Variants in DMD observed in about 807,000 individuals in gnomAD.
The protein encoded by DMD is dystrophin.
DMD carries 63 observed loss-of-function variants against 330.1 expected under a neutral mutation model. The ratio of observed to expected loss-of-function variants is 0.19; its 90% CI spans 0.16 to 0.24. The LOEUF (loss-of-function observed/expected upper bound fraction) is 0.24. Ranked by LOEUF, DMD falls within the 10% of genes least tolerant of loss-of-function variation. The pLI is 1.00. For missense variants in DMD, 3,344 were observed against 2,684.1 expected (o/e 1.25, Z -5.43); for synonymous variants, 1,223 against 959.8 (o/e 1.27, Z -5.07).
In DMD at chrX:32,761,968, G is replaced by T. The variant is rs1235678222; in HGVS notation, c.649+47525C>A. The stretch of plus-strand genomic sequence containing the variant: ...GATCGAGACCATTCTGGCTAACACA[G>T]TGAAACCCAGTCTCTACTAAAAACA... On this transcript the variant is annotated intron_variant, in intron 7 of 78. Transcript: ENST00000357033. Among the ~76,000 whole-genome samples, 8 of 109,279 alleles carry T rather than the reference G, an allele frequency of 7.3e-5. No individual in the cohort carries two copies. In the Admixed American group the frequency reaches 7.9e-4, roughly 11 times the overall value. The allele number at this position is 109,279 out of a possible 115,157, so 94.9% of individuals were successfully genotyped here.
chrX:32,884,151 T>C (rs186824776), intron 2 of DMD, among the ~76,000 whole-genome samples: 9 of 111,319 alleles, frequency 8.1e-5, no homozygotes, highest in Non-Finnish European at 1.7e-4. Context: ...GAACTTAAAG[T>C]TCCCACTAGG....
chrX:31,418,417 T>C (rs781152476), intron 60 of DMD, among the ~76,000 whole-genome samples: 2 of 111,656 alleles, frequency 1.8e-5, no homozygotes, highest in East Asian at 2.8e-4. Context: ...CATATGAATT[T>C]TGGGGAGACA....
At chrX:32,407,678 G>A (rs2098123909) in intron 30 of DMD, among the ~76,000 whole-genome samples, 1 of 110,424 alleles carries the variant, frequency 9.1e-6, no homozygotes, top group Non-Finnish European at 1.9e-5. Context: ...GCACACGTAT[G>A]TTTATTGCGG....
intron 47 of DMD, among the ~76,000 whole-genome samples, chrX:31,917,849 G>A (rs962474533): frequency 2.7e-5 from 3 of 112,171 alleles, no homozygotes; most frequent in Non-Finnish European, 5.6e-5. Context: ...GGGCACAGTC[G>A]TAGACACATA....
intron 7 of DMD, among the ~76,000 whole-genome samples, chrX:32,742,669 G>T (rs766898023): frequency 1.8e-5 from 2 of 111,666 alleles, no homozygotes; most frequent in African/African-American, 6.5e-5. Flanking sequence ...GAGAAAATGG[G>T]AAGTAAATTA....
chrX:32,366,393 G>C (rs952835398), intron 34 of DMD, among the ~76,000 whole-genome samples: 2 of 112,127 alleles, frequency 1.8e-5, no homozygotes, highest in African/African-American at 6.5e-5. Flanking sequence ...TACAGAGACT[G>C]TGATTGGCAC....
At chrX:31,437,053 T>C (rs2064583985) in intron 60 of DMD, among the ~76,000 whole-genome samples, 1 of 112,223 alleles carries the variant, frequency 8.9e-6, no homozygotes, top group Non-Finnish European at 1.9e-5. Context: ...CAGTTTTTCC[T>C]ACATCTTACT....
intron 48 of DMD, among the ~76,000 whole-genome samples, chrX:31,846,301 C>T (rs929936590): frequency 1.3e-4 from 14 of 110,407 alleles, no homozygotes; most frequent in African/African-American, 4.3e-4. Context: ...ACTACATGTT[C>T]CCATTTTTAA....
Position 31,836,825 on chromosome X carries a change from G to A in DMD, c.7099-6C>T, listed in dbSNP as rs2149493531. Reference sequence around the variant, plus strand: ...TGAACTGCTATTTCAGTTTCCTGGGGAAAAGAACCCATATAGTGCAGATTA... The same window carrying A: ...TGAACTGCTATTTCAGTTTCCTGGGAAAAAGAACCCATATAGTGCAGATTA... On this transcript the variant is annotated splice_region_variant and splice_polypyrimidine_tract_variant and intron_variant, in intron 48 of 78. Coordinates refer to ENST00000357033, the MANE Select transcript of DMD (RefSeq NM_004006.3). 2 of 1,192,631 alleles carry A rather than the reference G, an allele frequency of 1.7e-6. No individual in the cohort carries two copies. Among genetic ancestry groups the A allele is most frequent in the East Asian group, 5.9e-5 (2 of 33,741 alleles).
At chrX:33,122,995 T>C (rs756423594) in intron 1 of DMD, among the ~76,000 whole-genome samples, 4 of 112,490 alleles carry the variant, frequency 3.6e-5, no homozygotes, top group Non-Finnish European at 7.5e-5. Flanking sequence ...AAACTGCATA[T>C]ACCGCAGTGG....
intron 47 of DMD, among the ~76,000 whole-genome samples, chrX:31,898,648 C>T (rs938437263): frequency 3.6e-5 from 4 of 111,771 alleles, no homozygotes; most frequent in African/African-American, 9.8e-5. Flanking sequence ...AAACGTTAGA[C>T]CTAAAACCAT....
chrX:32,724,000 C>T (rs1317040628), intron 7 of DMD, among the ~76,000 whole-genome samples: 1 of 111,637 alleles, frequency 9.0e-6, no homozygotes, highest in Non-Finnish European at 1.9e-5. Context: ...ACAAGGTTGC[C>T]TTAAGTACAT....
At chrX:31,837,739 T>C (rs187462660) in intron 48 of DMD, among the ~76,000 whole-genome samples, 1 of 111,805 alleles carries the variant, frequency 8.9e-6, no homozygotes, top group African/African-American at 3.2e-5. Flanking sequence ...TGCCACTGTT[T>C]CCTTCGTATA....
At chrX:32,868,452 G>T (rs1291678406) in intron 2 of DMD, among the ~76,000 whole-genome samples, 2 of 111,760 alleles carry the variant, frequency 1.8e-5, no homozygotes, top group African/African-American at 6.5e-5. Flanking sequence ...GAGCTGCTGT[G>T]GGGAGGGGCA....
chrX:31,550,774 C>T (rs1358974814), intron 55 of DMD, among the ~76,000 whole-genome samples: 4 of 112,016 alleles, frequency 3.6e-5, no homozygotes, highest in Admixed American at 1.9e-4. Context: ...GTAACAATGC[C>T]TCTGTCTGTT....
At chrX:32,761,238 T>C (rs1393721276) in intron 7 of DMD, among the ~76,000 whole-genome samples, 1 of 112,123 alleles carries the variant, frequency 8.9e-6, no homozygotes, top group Non-Finnish European at 1.9e-5. Flanking sequence ...GAAGCACAGC[T>C]ACTGTATGGC....
chrX:32,617,311 C>T lies in DMD; in HGVS notation c.1332-2858G>A, dbSNP rs150101188. Among the ~76,000 whole-genome samples, 497 of 111,231 alleles carry T rather than the reference C, an allele frequency of 4.5e-3. 1 individual carries two copies. Among genetic ancestry groups the T allele is most frequent in the African/African-American group, 0.015 (471 of 30,697 alleles). ...TTTATTTCCCACTAAGGTCAAAGTACGCAACTAGAAGAAATTCTGCCATAG... is the reference window on the plus strand; with the variant it reads ...TTTATTTCCCACTAAGGTCAAAGTATGCAACTAGAAGAAATTCTGCCATAG... On this transcript the variant is annotated intron_variant, in intron 11 of 78. Coordinates refer to ENST00000357033, the MANE Select transcript of DMD (RefSeq NM_004006.3).
intron 4 of DMD, among the ~76,000 whole-genome samples, chrX:32,828,630 T>C (rs1273302698): frequency 9.0e-6 from 1 of 110,605 alleles, no homozygotes; most frequent in Non-Finnish European, 1.9e-5. Context: ...TACACATATA[T>C]ACATATGTAT....
intron 50 of DMD, among the ~76,000 whole-genome samples, chrX:31,817,539 A>G (rs1380451311): frequency 1.8e-5 from 2 of 110,224 alleles, no homozygotes; most frequent in Non-Finnish European, 3.8e-5. Flanking sequence ...TCGGTTTGCT[A>G]AAGAGGATGA....
Sources: allele counts gnomAD v4.1 joint callset (sites outside exome capture counted in the v4.1 genomes callset), GRCh38; gene constraint gnomAD v4.1.1; transcripts MANE v1.5; gene names NCBI Gene and HGNC (gene_info 2026-07-23, HGNC 2026-07-21).